Variants in SEC24B observed in about 807,000 individuals in gnomAD.
The protein encoded by SEC24B is SEC24 homolog B, COPII component.
SEC24B carries 45 observed loss-of-function variants against 142.8 expected under a neutral mutation model. That is an observed-to-expected ratio of 0.32 (90% CI 0.25 to 0.40). The LOEUF is 0.40. SEC24B is among the 10% of genes least tolerant of loss of function. The pLI is 1.00. For missense variants in SEC24B, 1,409 were observed against 1,526.8 expected (o/e 0.92, Z 1.29); for synonymous variants, 574 against 568.2 (o/e 1.01, Z -0.15).
intron 15 of SEC24B, 92 bp from the exon 16 acceptor site, chr4:109,525,254 A>G (rs1433032504): frequency 9.1e-7 from 1 of 1,095,108 alleles, no homozygotes; most frequent in Non-Finnish European, 1.2e-6. Flanking sequence ...CTCATGACTT[A>G]GATTTCTTCA....
chr4:109,509,428 C>A (rs1737064192), intron 7 of SEC24B, among the ~76,000 whole-genome samples: 1 of 152,164 alleles, frequency 6.6e-6, no homozygotes, highest in Admixed American at 6.5e-5. Flanking sequence ...AATCCTAGCA[C>A]TTTGGAAGGC....
intron 7 of SEC24B, among the ~76,000 whole-genome samples, chr4:109,507,915 C>T (rs1000415652): frequency 9.9e-5 from 15 of 152,094 alleles, no homozygotes; most frequent in Non-Finnish European, 1.2e-4. Flanking sequence ...AAAGTGCTGG[C>T]ATTACAGGCG....
intron 6 of SEC24B, among the ~76,000 whole-genome samples, chr4:109,497,222 C>T (rs1163364310): frequency 1.3e-5 from 2 of 152,212 alleles, no homozygotes; most frequent in Non-Finnish European, 2.9e-5. Context: ...TGACTATCCA[C>T]AGAAAAAGTT....
intron 3 of SEC24B, among the ~76,000 whole-genome samples, chr4:109,480,482 CTTTTCT>C (rs775740296): frequency 1.3e-4 from 19 of 150,858 alleles, no homozygotes; most frequent in Non-Finnish European, 2.2e-4. Flanking sequence ...TTCTTTTTTC[CTTTTCT>C]TTTTCTTTTT....
chr4:109,482,934 TAC>T (rs1733876390), intron 4 of SEC24B, among the ~76,000 whole-genome samples: 1 of 46,628 alleles, frequency 2.1e-5, no homozygotes, highest in Non-Finnish European at 4.2e-5. Context: ...GCCAGGCTTG[TAC>T]TATATATATA....
chr4:109,502,151 AAAGACTT>A (rs1298167080), intron 6 of SEC24B, among the ~76,000 whole-genome samples: 1 of 152,216 alleles, frequency 6.6e-6, no homozygotes, highest in Non-Finnish European at 1.5e-5. Flanking sequence ...ACTGATATGC[AAAGACTT>A]AAGGCAGGAA....
chr4:109,502,980 G>A (rs1019098943), intron 6 of SEC24B, among the ~76,000 whole-genome samples: 2 of 151,168 alleles, frequency 1.3e-5, no homozygotes, highest in African/African-American at 4.9e-5. Context: ...GTTGACATTG[G>A]TTTTTAATTT....
Position 109,494,847 on chromosome 4 carries a change from G to A in SEC24B, c.1479G>A (p.Gln493=). The change falls in exon 6 of 24, where the codon CAG becomes CAA. Residue 493 remains glutamine, a synonymous_variant. Coordinates refer to ENST00000265175, the MANE Select transcript of SEC24B (RefSeq NM_006323.5). The part of the protein sequence containing the change: ...PSNPVYSGFQ[Q]YPQQYPGVNQ... The stretch of plus-strand genomic sequence containing the variant: ...ACCCGGTATATTCTGGATTCCAGCA[G>A]TATCCTCAAGTATGTATTCAGTCAT... 1 of 1,614,042 alleles carries A rather than the reference G, an allele frequency of 6.2e-7. No homozygotes were observed. Among genetic ancestry groups the A allele is most frequent in the Non-Finnish European group, 8.5e-7 (1 of 1,179,924 alleles).
intron 1 of SEC24B, among the ~76,000 whole-genome samples, chr4:109,453,130 A>G (rs1257532093): frequency 2.0e-5 from 3 of 152,204 alleles, no homozygotes; most frequent in Non-Finnish European, 4.4e-5. Context: ...GGAGTGTACT[A>G]ATAGGATGTG....
chr4:109,503,183 C>T (rs1265922589), intron 6 of SEC24B, among the ~76,000 whole-genome samples: 1 of 151,638 alleles, frequency 6.6e-6, no homozygotes, highest in Non-Finnish European at 1.5e-5. Flanking sequence ...CCTCAGACTC[C>T]CGAGTAGCTG....
chr4:109,494,645 C>T lies in SEC24B; in HGVS notation c.1277C>T (p.Ala426Val), dbSNP rs1735344721. 6.2e-7 allele frequency: 1 copy of T among 1,613,918 alleles called. No individual in the cohort carries two copies. The change falls in exon 6 of 24, where the codon GCT becomes GTT. Residue 426 changes from alanine (A) to valine (V), a missense_variant. Transcript: ENST00000265175. ...DMLSSSASSP[A>V]PDPAPEPDPA... ...CTTTCTTCATCAGCAAGCAGTCCTG[C>T]TCCTGATCCCGCCCCTGAACCTGAT...
At chr4:109,502,109 G>C (rs1736217905) in intron 6 of SEC24B, among the ~76,000 whole-genome samples, 3 of 152,160 alleles carry the variant, frequency 2.0e-5, no homozygotes, top group Non-Finnish European at 4.4e-5. Context: ...AGCATGGAAG[G>C]ATCTGTGGTT....
intron 23 of SEC24B, among the ~76,000 whole-genome samples, chr4:109,539,010 G>A (rs1339696959): frequency 6.6e-6 from 1 of 151,602 alleles, no homozygotes; most frequent in Non-Finnish European, 1.5e-5. Flanking sequence ...CACCCGGGCT[G>A]GAGTGCGATG....
At chr4:109,530,917 A>G (rs934881593) in intron 19 of SEC24B, among the ~76,000 whole-genome samples, 17 of 151,164 alleles carry the variant, frequency 1.1e-4, no homozygotes, top group Non-Finnish European at 1.8e-4. Flanking sequence ...AAAAAAAAAA[A>G]AAAGAAAAGA....
intron 1 of SEC24B, among the ~76,000 whole-genome samples, chr4:109,460,948 C>G (rs1561082962): frequency 1.3e-5 from 2 of 151,808 alleles, no homozygotes; most frequent in Non-Finnish European, 1.5e-5. Flanking sequence ...ATTTAAAAAT[C>G]TGTCAAGCAT....
At chr4:109,457,130 G>T (rs1310287787) in intron 1 of SEC24B, among the ~76,000 whole-genome samples, 3 of 152,176 alleles carry the variant, frequency 2.0e-5, no homozygotes, top group African/African-American at 7.2e-5. Context: ...TCCCCAAAGA[G>T]TTTCTGGCAC....
Position 109,433,882 on chromosome 4 carries a change from G to A in SEC24B, c.13G>A (p.Ala5Thr). 1.5e-6 allele frequency: 2 copies of A among 1,341,562 alleles called. No individual in the cohort carries two copies. The highest frequency in any genetic ancestry group is 1.8e-5 in the South Asian group (1 of 56,338). The allele number at this position is 1,341,562 out of a possible 1,614,324, so 83.1% of individuals were successfully genotyped here. MSAP[A>T]GSSHPAASAR... ...CACCAGCGCCGTCATGTCGGCCCCCGCCGGGTCCTCTCACCCGGCCGCCAG... is the reference window on the plus strand; with the variant it reads ...CACCAGCGCCGTCATGTCGGCCCCCACCGGGTCCTCTCACCCGGCCGCCAG... Residue 5 changes from alanine (A) to threonine (T), a missense_variant, in exon 1 of 24, where the codon GCC becomes ACC. Ala to Thr is a moderately conservative substitution (Grantham distance 58). Coordinates refer to ENST00000265175, the MANE Select transcript of SEC24B (RefSeq NM_006323.5).
In SEC24B at chr4:109,540,665, T is replaced by A. The variant is rs1196943884; in HGVS notation, c.*990T>A. The A allele has an allele frequency of 6.6e-6, 1 of 152,172 alleles. No individual in the cohort carries two copies. The highest frequency in any genetic ancestry group is 6.6e-5 in the Admixed American group (1 of 15,262). The allele number at this position is 152,172 out of a possible 1,614,324, so 9.4% of individuals were successfully genotyped here. On this transcript the variant is annotated 3_prime_UTR_variant, in exon 24 of 24. Transcript: ENST00000265175. ...TGGGAGGCCAAGGTGGGCAGATGAC[T>A]TGAGGTCAGGTGTTCATGACCTGCC... is the stretch of plus-strand genomic sequence containing the variant.
chr4:109,513,942 T>G, intron 10 of SEC24B, 86 bp downstream of exon 10: 1 of 838,256 alleles, frequency 1.2e-6, no homozygotes, highest in Non-Finnish European at 2.0e-6. Context: ...TTATCGAGAT[T>G]TTGAAGTTGT....
Sources: allele counts gnomAD v4.1 joint callset (sites outside exome capture counted in the v4.1 genomes callset), GRCh38; gene constraint gnomAD v4.1.1; transcripts MANE v1.5; gene names NCBI Gene and HGNC (gene_info 2026-07-23, HGNC 2026-07-21).